Variants in TMEFF2 observed in about 807,000 individuals in gnomAD.
TMEFF2 encodes the protein transmembrane protein with EGF like and two follistatin like domains 2.
In TMEFF2, 28 loss-of-function variants were observed where a neutral mutation model predicts 53.8. That is an observed-to-expected ratio of 0.52 (90% CI 0.39 to 0.71). The LOEUF is 0.71. TMEFF2 is among the 30% of genes least tolerant of loss of function. The pLI is 0.00. For synonymous variants in TMEFF2, 162 were observed against 166.3 expected (o/e 0.97, Z 0.20); for missense variants, 353 against 455.2 (o/e 0.78, Z 2.04).
chr2:192,092,465 G>A (rs1302208592), intron 4 of TMEFF2, among the ~76,000 whole-genome samples: 1 of 152,068 alleles, frequency 6.6e-6, no homozygotes, highest in Non-Finnish European at 1.5e-5. Flanking sequence ...ATTTTACAGG[G>A]ATCTTCAGTG....
At chr2:192,149,390 A>G (rs962266090) in intron 4 of TMEFF2, among the ~76,000 whole-genome samples, 2 of 151,990 alleles carry the variant, frequency 1.3e-5, no homozygotes, top group African/African-American at 4.8e-5. Flanking sequence ...AGACAAGCAT[A>G]GTGAGGGGGG....
intron 5 of TMEFF2, among the ~76,000 whole-genome samples, chr2:192,007,786 TG>T (rs1239601923): frequency 6.6e-6 from 1 of 152,104 alleles, no homozygotes; most frequent in African/African-American, 2.4e-5. Context: ...AGGCTACTGC[TG>T]TTAGGTATAG....
Position 192,061,005 on chromosome 2 carries a change from G to C in TMEFF2, c.440-3230C>G, listed in dbSNP as rs1355694687. On this transcript the variant is annotated intron_variant, in intron 4 of 9. Coordinates refer to ENST00000272771, the MANE Select transcript of TMEFF2 (RefSeq NM_016192.4). ...ATTTTAGGGAGGTTTGGAATCGGAGGGATTATAAGAAATGATTGAGTTACT... is the reference window on the plus strand; with the variant it reads ...ATTTTAGGGAGGTTTGGAATCGGAGCGATTATAAGAAATGATTGAGTTACT... 3.3e-5 allele frequency among the ~76,000 whole-genome samples: 5 copies of C among 151,996 alleles called. No individual in the cohort carries two copies. The East Asian group carries it at 9.6e-4, about 29-fold the overall frequency.
At chr2:192,159,551 G>A (rs1235838353) in intron 4 of TMEFF2, among the ~76,000 whole-genome samples, 1 of 152,082 alleles carries the variant, frequency 6.6e-6, no homozygotes, top group Non-Finnish European at 1.5e-5. Flanking sequence ...TACTGCCATT[G>A]TATATAGTTC....
At chr2:192,179,145 T>C (rs888028819) in intron 4 of TMEFF2, 2 of 151,324 alleles carry the variant, frequency 1.3e-5, no homozygotes, top group Non-Finnish European at 3.0e-5. Flanking sequence ...GAAGCAAAGA[T>C]AATATTTTAC....
chr2:192,039,729 T>C (rs1441483727), intron 5 of TMEFF2, among the ~76,000 whole-genome samples: 1 of 152,180 alleles, frequency 6.6e-6, no homozygotes, highest in African/African-American at 2.4e-5. Flanking sequence ...TTCTGCCATA[T>C]GAACAAGTGA....
chr2:192,002,551 C>T lies in TMEFF2; in HGVS notation c.537-3343G>A, dbSNP rs116672621. Among the ~76,000 whole-genome samples, 429 of 151,902 alleles carry T rather than the reference C, an allele frequency of 2.8e-3. 1 individual carries two copies. Among genetic ancestry groups the T allele is most frequent in the African/African-American group, 9.9e-3 (409 of 41,450 alleles). ...AATGGCTTGAAAACAATAAGCTGGC[C>T]GGGCGTGGTGTCTCATGCCTGTAAT... On this transcript the variant is annotated intron_variant, in intron 5 of 9. Coordinates refer to ENST00000272771, the MANE Select transcript of TMEFF2 (RefSeq NM_016192.4).
chr2:192,084,929 C>T (rs1167508390), intron 4 of TMEFF2, among the ~76,000 whole-genome samples: 1 of 152,156 alleles, frequency 6.6e-6, no homozygotes, highest in Non-Finnish European at 1.5e-5. Flanking sequence ...GCAATTGTAG[C>T]TGTTCTTAAC....
At chr2:191,952,461 G>A (rs1178975183) in intron 9 of TMEFF2, among the ~76,000 whole-genome samples, 2 of 152,124 alleles carry the variant, frequency 1.3e-5, no homozygotes, top group Admixed American at 6.5e-5. Flanking sequence ...AGTTTCCTAT[G>A]TTTTAGATTC....
chr2:192,096,880 T>C (rs1192159117), intron 4 of TMEFF2, among the ~76,000 whole-genome samples: 1 of 151,892 alleles, frequency 6.6e-6, no homozygotes, highest in Non-Finnish European at 1.5e-5. Flanking sequence ...TTCACCATGT[T>C]GGCCAGGTTG....
intron 5 of TMEFF2, chr2:192,044,412 T>C (rs1687561238): frequency 6.6e-6 from 1 of 152,200 alleles, no homozygotes; most frequent in Admixed American, 6.5e-5. Context: ...AAAGGATAAG[T>C]TGATGTATTT....
intron 5 of TMEFF2, among the ~76,000 whole-genome samples, chr2:192,054,084 C>A (rs1179197820): frequency 1.3e-5 from 2 of 151,766 alleles, no homozygotes; most frequent in Non-Finnish European, 2.9e-5. Context: ...CCCTACAGCC[C>A]TCTAATCTTC....
intron 9 of TMEFF2, among the ~76,000 whole-genome samples, chr2:191,951,123 CACAT>C (rs1382245999): frequency 2.0e-5 from 3 of 151,812 alleles, no homozygotes; most frequent in African/African-American, 7.3e-5. Flanking sequence ...AATATACATA[CACAT>C]ATATATCACG....
At chr2:192,176,676 A>G (rs941904390) in intron 4 of TMEFF2, 23 of 151,210 alleles carry the variant, frequency 1.5e-4, no homozygotes, top group African/African-American at 5.6e-4. Flanking sequence ...TAAATTTTAT[A>G]AAACCTTTAT....
chr2:191,959,655 T>G (rs1310866946), intron 7 of TMEFF2, among the ~76,000 whole-genome samples: 1 of 152,142 alleles, frequency 6.6e-6, no homozygotes, highest in Non-Finnish European at 1.5e-5. Flanking sequence ...ATTGCCCCTG[T>G]ATTCCTTTCC....
chr2:192,191,729 T>A (rs1448572617), intron 2 of TMEFF2, 151 bp downstream of exon 2: 5 of 574,776 alleles, frequency 8.7e-6, no homozygotes, highest in South Asian at 2.3e-5. Context: ...CTTCTTGACA[T>A]CAGTTGGCTC....
chr2:192,095,931 T>C (rs1461412742), intron 4 of TMEFF2, among the ~76,000 whole-genome samples: 5 of 152,230 alleles, frequency 3.3e-5, no homozygotes, highest in Admixed American at 3.3e-4. Context: ...AAGATATTAA[T>C]ATATTCAGAG....
intron 4 of TMEFF2, chr2:192,177,881 T>A (rs918035972): frequency 6.6e-6 from 1 of 151,026 alleles, no homozygotes; most frequent in Non-Finnish European, 1.5e-5. Flanking sequence ...TTGACTTCAT[T>A]TCCATTTGCA....
At chr2:192,077,479 A>G (rs1031332149) in intron 4 of TMEFF2, among the ~76,000 whole-genome samples, 20 of 152,122 alleles carry the variant, frequency 1.3e-4, no homozygotes, top group Non-Finnish European at 4.4e-5. Context: ...AATGATGCCA[A>G]TTTATTTTTT....
Sources: allele counts gnomAD v4.1 joint callset (sites outside exome capture counted in the v4.1 genomes callset), GRCh38; gene constraint gnomAD v4.1.1; transcripts MANE v1.5; gene names NCBI Gene and HGNC (gene_info 2026-07-23, HGNC 2026-07-21).